AGBL4: variants seen among roughly 807,000 people sequenced by gnomAD.
AGBL4 encodes the protein cytosolic carboxypeptidase 6.
A neutral mutation model predicts 66.4 loss-of-function variants in AGBL4; 58 were observed. The observed-to-expected ratio is 0.87, with a 90% CI of 0.71 to 1.09. The LOEUF (loss-of-function observed/expected upper bound fraction) is 1.09, where lower values mean the gene tolerates loss of function less well. Among genes scored for constraint, AGBL4 ranks in the 50% least tolerant of loss-of-function variants. AGBL4 has a pLI of 0.00. For synonymous variants in AGBL4, 234 were observed against 222.9 expected, an observed-to-expected ratio of 1.05 and a Z score of -0.44; for missense variants, 579 against 631.0, an observed-to-expected ratio of 0.92 and a Z score of 0.88.
intron 3 of AGBL4, among the ~76,000 whole-genome samples, chr1:49,683,652 A>T (rs1305371825): frequency 6.6e-6 from 1 of 152,180 alleles, no homozygotes; most frequent in Non-Finnish European, 1.5e-5. Flanking sequence ...GCTTCCCAAA[A>T]GGAAAGAGAC....
intron 4 of AGBL4, among the ~76,000 whole-genome samples, chr1:49,080,606 G>A (rs1215966019): frequency 6.6e-6 from 1 of 151,870 alleles, no homozygotes; most frequent in Non-Finnish European, 1.5e-5. Flanking sequence ...GTGGAAGATA[G>A]AGATAATGAA....
At chr1:49,622,681 T>G (rs1055341624) in intron 3 of AGBL4, among the ~76,000 whole-genome samples, 1 of 149,492 alleles carries the variant, frequency 6.7e-6, no homozygotes, top group Non-Finnish European at 1.5e-5. Flanking sequence ...AATGCCTACC[T>G]TGCAGGGTCA....
intron 3 of AGBL4, among the ~76,000 whole-genome samples, chr1:49,640,590 G>A (rs1645761485): frequency 1.3e-5 from 2 of 152,148 alleles, no homozygotes; most frequent in East Asian, 3.9e-4. Flanking sequence ...TTCTAAAGAT[G>A]GAAAAGCCGT....
At chr1:49,289,892 A>T (rs746295218) in intron 3 of AGBL4, among the ~76,000 whole-genome samples, 3 of 152,134 alleles carry the variant, frequency 2.0e-5, no homozygotes, top group Admixed American at 6.6e-5. Flanking sequence ...AAATGGAAAA[A>T]ACTCAACAAT....
intron 12 of AGBL4, among the ~76,000 whole-genome samples, chr1:48,536,888 T>C (rs1370819133): frequency 6.6e-6 from 1 of 152,224 alleles, no homozygotes; most frequent in Non-Finnish European, 1.5e-5. Flanking sequence ...GCCATGCCCC[T>C]GAGCCTGAGC....
At chr1:49,832,037 G>A (rs562939329) in intron 2 of AGBL4, among the ~76,000 whole-genome samples, 194 of 150,768 alleles carry the variant, frequency 1.3e-3, no homozygotes, top group Non-Finnish European at 2.3e-3. Context: ...GGGTACATGT[G>A]CACAATGTGC....
At chr1:48,715,150 C>T (rs947241787) in intron 6 of AGBL4, among the ~76,000 whole-genome samples, 9 of 152,084 alleles carry the variant, frequency 5.9e-5, no homozygotes, top group African/African-American at 1.9e-4. Flanking sequence ...AGCCTGAGGA[C>T]TGCTGCAGGG....
chr1:49,690,597 C>T (rs571518522), intron 3 of AGBL4, among the ~76,000 whole-genome samples: 20 of 152,184 alleles, frequency 1.3e-4, no homozygotes, highest in African/African-American at 4.6e-4. Context: ...GTACTTACTT[C>T]AAAGAATTTC....
At chr1:49,924,558 T>C (rs555513322) in intron 1 of AGBL4, among the ~76,000 whole-genome samples, 1 of 152,248 alleles carries the variant, frequency 6.6e-6, no homozygotes, top group Non-Finnish European at 1.5e-5. Context: ...TATTTAGCAT[T>C]TACTATCTAG....
intron 1 of AGBL4, among the ~76,000 whole-genome samples, chr1:49,908,846 CTTG>C (rs1354464523): frequency 1.3e-5 from 2 of 152,170 alleles, no homozygotes; most frequent in African/African-American, 4.8e-5. Context: ...AGATAATTAT[CTTG>C]TTATTACAAT....
chr1:49,398,199 C>G (rs900441544), intron 3 of AGBL4, among the ~76,000 whole-genome samples: 1 of 152,152 alleles, frequency 6.6e-6, no homozygotes, highest in African/African-American at 2.4e-5. Context: ...AAGAGATTAG[C>G]ACTTGAATGA....
At chr1:49,791,027 T>C (rs1644586524) in intron 2 of AGBL4, among the ~76,000 whole-genome samples, 1 of 152,092 alleles carries the variant, frequency 6.6e-6, no homozygotes, top group Admixed American at 6.6e-5. Flanking sequence ...AATTAGACTG[T>C]TATAAGGTTT....
In AGBL4 at chr1:48,607,773, T is replaced by C. The variant is rs1645175296; in HGVS notation, c.952-16788A>G. 2.6e-5 allele frequency among the ~76,000 whole-genome samples: 4 copies of C among 152,184 alleles called. No individual in the cohort carries two copies. In the South Asian group the frequency reaches 8.3e-4, roughly 32 times the overall value. ...TTATACACACAAACTCACACTTGCA[T>C]ACAAAACCACAAAACAGGGTGTTAA... On this transcript the variant is annotated intron_variant, in intron 9 of 13. Transcript: ENST00000371839.
chr1:48,813,160 G>T (rs1043171033), intron 6 of AGBL4, among the ~76,000 whole-genome samples: 7 of 152,124 alleles, frequency 4.6e-5, no homozygotes, highest in Non-Finnish European at 1.0e-4. Flanking sequence ...GGAAGACAAG[G>T]GGGCTGTTGA....
intron 4 of AGBL4, among the ~76,000 whole-genome samples, chr1:49,090,963 A>G (rs1277446730): frequency 2.0e-5 from 3 of 152,196 alleles, no homozygotes; most frequent in Non-Finnish European, 4.4e-5. Flanking sequence ...TGTTTGACAA[A>G]GTTTACAAAA....
chr1:48,841,293 T>A (rs1646792965), intron 6 of AGBL4, among the ~76,000 whole-genome samples: 1 of 152,074 alleles, frequency 6.6e-6, no homozygotes, highest in Non-Finnish European at 1.5e-5. Flanking sequence ...TAAACAGCTT[T>A]CCCATATTGG....
chr1:48,558,484 C>T (rs1644353451), intron 11 of AGBL4, among the ~76,000 whole-genome samples: 1 of 152,138 alleles, frequency 6.6e-6, no homozygotes. Flanking sequence ...GGAGTCAGCC[C>T]AATGGTGGCC....
intron 1 of AGBL4, among the ~76,000 whole-genome samples, chr1:49,938,409 C>A (rs1654346259): frequency 6.6e-6 from 1 of 152,124 alleles, no homozygotes; most frequent in Non-Finnish European, 1.5e-5. Flanking sequence ...CCGAATTCTA[C>A]CAGAGGTACA....
intron 6 of AGBL4, among the ~76,000 whole-genome samples, chr1:48,697,937 C>T (rs1646738962): frequency 6.6e-6 from 1 of 152,246 alleles, no homozygotes; most frequent in Non-Finnish European, 1.5e-5. Flanking sequence ...GCCACCCAGC[C>T]TGACTCTGGT....
Sources: gnomAD v4.1 joint callset for allele counts (sites outside exome capture counted in the v4.1 genomes callset) on GRCh38, gnomAD v4.1.1 for gene constraint, MANE v1.5 for transcripts, NCBI Gene and HGNC (gene_info 2026-07-23, HGNC 2026-07-21) for gene names.